The following LRP5 variants were observed in gnomAD, a reference collection of about 807,000 sequenced individuals.
LRP5 encodes the protein LDL receptor related protein 5.
Under a neutral mutation model 154.1 loss-of-function variants are expected in LRP5, and 62 were observed. That is an observed-to-expected ratio of 0.40 (90% CI 0.33 to 0.50). The LOEUF (loss-of-function observed/expected upper bound fraction) is 0.50. LRP5 is among the 20% of genes least tolerant of loss of function. LRP5 has a pLI of 0.55. For synonymous variants in LRP5, 966 were observed against 1,011.5 expected, an observed-to-expected ratio of 0.96 and a Z score of 0.85; for missense variants, 1,915 against 2,336.7, an observed-to-expected ratio of 0.82 and a Z score of 3.72.
rs554258981 is a variant in LRP5 at position 68,431,044 on chromosome 11, AATAAAGTGACCATCTGTATCC to A, written c.3763+1345_3763+1365del. Among the ~76,000 whole-genome samples, 80 of 152,146 alleles carry A rather than the reference AATAAAGTGACCATCTGTATCC, an allele frequency of 5.3e-4. 1 individual carries two copies. Among genetic ancestry groups the A allele is most frequent in the Non-Finnish European group, 9.1e-4 (62 of 68,020 alleles). On this transcript the variant is annotated intron_variant, in intron 17 of 22. Transcript: ENST00000294304. ...GCTATGCCATGGGTGTGGCAGTAGT[AATAAAGTGACCATCTGTATCC>A]TCACCACAGTGAAGCCTGTCCAGGG...
rs2098662582 is a variant in LRP5, at chr11:68,416,431, G to C, written c.2931G>C (p.Arg977Ser). Residue 977 changes from arginine to serine, a missense_variant, in exon 13 of 23, where the codon AGG becomes AGC. Arg to Ser is a moderately radical substitution (Grantham distance 110, BLOSUM62 -1). Transcript: ENST00000294304. ...PDLILPLHGL[R>S]NVKAIDYDPL... ...TCATCCTGCCCCTGCATGGACTGAG[G>C]AACGTCAAAGCCATCGACTATGACC... The C allele has an allele frequency of 6.2e-7, 1 of 1,614,190 alleles. No homozygotes were observed. Among genetic ancestry groups the C allele is most frequent in the Non-Finnish European group, 8.5e-7 (1 of 1,180,040 alleles).
Position 68,423,812 on chromosome 11 carries a change from G to T in LRP5, c.3236+115G>T. On this transcript the variant is annotated intron_variant, in intron 14 of 22. Coordinates refer to ENST00000294304, the MANE Select transcript of LRP5 (RefSeq NM_002335.4). The surrounding 1 kb of genome is among the most constrained non-coding windows in gnomAD (Gnocchi z 4.7). ...AGACTTTCCACCCTGGGGATCCAATGGGTGGCTTTCCAGGGTCCCAAAAGC... is the reference window on the plus strand; with the variant it reads ...AGACTTTCCACCCTGGGGATCCAATTGGTGGCTTTCCAGGGTCCCAAAAGC... 1 of 1,028,240 alleles carries T rather than the reference G, an allele frequency of 9.7e-7. No homozygotes were observed. Among genetic ancestry groups the T allele is most frequent in the South Asian group, 1.5e-5 (1 of 66,284 alleles). The allele number at this position is 1,028,240 out of a possible 1,614,324, so 63.7% of individuals were successfully genotyped here.
the LRP5 span, among the ~76,000 whole-genome samples, chr11:68,301,400 A>C: frequency 6.7e-6 from 1 of 148,398 alleles, no homozygotes; most frequent in African/African-American, 2.4e-5. Context: ...GCTTGAGCCC[A>C]GGAGGTTGAG....
intron 19 of LRP5, among the ~76,000 whole-genome samples, 157 bp from the exon 20 acceptor site, chr11:68,438,289 C>T (rs558037143): frequency 4.7e-4 from 72 of 152,308 alleles, no homozygotes; most frequent in Non-Finnish European, 8.4e-4. Flanking sequence ...TGAGGTTGGC[C>T]AGGCTCCCCA....
chr11:68,329,169 G>T (rs1410001507), intron 1 of LRP5, among the ~76,000 whole-genome samples: 1 of 152,234 alleles, frequency 6.6e-6, no homozygotes, highest in Non-Finnish European at 1.5e-5. Flanking sequence ...TGGGGTACGT[G>T]TTTAATGAAA....
At chr11:68,308,790 C>A (rs1162825224), upstream of LRP5, among the ~76,000 whole-genome samples, 1 of 151,888 alleles carries the variant, frequency 6.6e-6, no homozygotes, top group Non-Finnish European at 1.5e-5. Context: ...GCTCTGTCGC[C>A]CAGGCTGGAG....
In LRP5 at chr11:68,365,768, G is replaced by A. The variant is rs190498589; in HGVS notation, c.1015+66G>A. On this transcript the variant is annotated intron_variant, in intron 5 of 22. Coordinates refer to ENST00000294304, the MANE Select transcript of LRP5 (RefSeq NM_002335.4). Reference sequence around the variant, plus strand: ...GGCCTGGCGGGAATGGGTTGCGGCCGCCGGGGGTGCCCCAGAAGGAACCTC... The same window carrying A: ...GGCCTGGCGGGAATGGGTTGCGGCCACCGGGGGTGCCCCAGAAGGAACCTC... The A allele has an allele frequency of 8.4e-4, 1,205 of 1,433,638 alleles. 9 individuals are homozygous for A. In the African/African-American group the frequency reaches 0.014, roughly 17 times the overall value. The allele number at this position is 1,433,638 out of a possible 1,614,324, so 88.8% of individuals were successfully genotyped here. A position where few individuals can be genotyped will look rare whatever the true frequency, so the allele number is the denominator to read the frequency against.
chr11:68,378,162 CT>C (rs2098638400), intron 5 of LRP5, among the ~76,000 whole-genome samples: 1 of 158 alleles, frequency 6.3e-3, no homozygotes, highest in Non-Finnish European at 0.012. Flanking sequence ...CAAAAATTAT[CT>C]TGTTTGTTTG....
chr11:68,320,460 T>C (rs904541339), intron 1 of LRP5, among the ~76,000 whole-genome samples: 6 of 149,582 alleles, frequency 4.0e-5, no homozygotes, highest in South Asian at 2.1e-4. Flanking sequence ...TCTTCTTCTT[T>C]TTTTTTTTTT....
intron 1 of LRP5, among the ~76,000 whole-genome samples, chr11:68,316,109 C>T (rs971174880): frequency 6.6e-5 from 10 of 152,122 alleles, no homozygotes; most frequent in Non-Finnish European, 1.3e-4. Context: ...TCCCTCTCCC[C>T]GGATCCCCTG....
intron 1 of LRP5, among the ~76,000 whole-genome samples, chr11:68,330,182 T>TG (rs1035003282): frequency 2.6e-5 from 4 of 152,172 alleles, no homozygotes; most frequent in African/African-American, 9.7e-5. Flanking sequence ...TGGGGAGCCC[T>TG]GGTGGCCTGT....
At chr11:68,441,253 T>A (rs917611302) in intron 21 of LRP5, among the ~76,000 whole-genome samples, 1 of 151,974 alleles carries the variant, frequency 6.6e-6, no homozygotes, top group African/African-American at 2.4e-5. Context: ...AATATTTACA[T>A]TTTTTGTAGA....
chr11:68,339,836 G>C (rs547943264), intron 1 of LRP5, among the ~76,000 whole-genome samples: 3 of 152,296 alleles, frequency 2.0e-5, no homozygotes, highest in Admixed American at 6.5e-5. Context: ...GAGGGGTTCA[G>C]TTCTTTTGGG....
intron 7 of LRP5, 84 bp downstream of exon 7, chr11:68,390,136 G>C: frequency 9.4e-6 from 14 of 1,481,978 alleles, no homozygotes; most frequent in Non-Finnish European, 1.2e-5. Flanking sequence ...GCGAGGCACC[G>C]ATGGGTGCCT....
chr11:68,328,749 A>G (rs746759946), intron 1 of LRP5, among the ~76,000 whole-genome samples: 1 of 152,200 alleles, frequency 6.6e-6, no homozygotes, highest in Non-Finnish European at 1.5e-5. Context: ...CGTGGCATTT[A>G]TGGACCCTGG....
chr11:68,411,766 C>T, intron 11 of LRP5, 146 bp downstream of exon 11: 3 of 838,468 alleles, frequency 3.6e-6, no homozygotes, highest in Non-Finnish European at 5.5e-6. Flanking sequence ...GCCCAGCAGC[C>T]TCACCCTCTG....
intron 5 of LRP5, among the ~76,000 whole-genome samples, chr11:68,365,933 G>T (rs2098630821): frequency 6.6e-6 from 1 of 152,168 alleles, no homozygotes; most frequent in Admixed American, 6.5e-5. Flanking sequence ...TTTTGCCCCA[G>T]ATATTTTCCA....
At chr11:68,410,323 G>A (rs765813595) in intron 10 of LRP5, among the ~76,000 whole-genome samples, 183 bp downstream of exon 10, 2 of 152,204 alleles carry the variant, frequency 1.3e-5, no homozygotes, top group Non-Finnish European at 2.9e-5. Context: ...GTTCCTTCGT[G>A]GAGCGGGTGC....
chr11:68,427,105 C>G (rs189740595), intron 16 of LRP5, among the ~76,000 whole-genome samples: 126 of 152,338 alleles, frequency 8.3e-4, no homozygotes, highest in Non-Finnish European at 1.5e-3. Flanking sequence ...GTTAGCCTCC[C>G]CTTTGATAGA....
Sources: allele counts gnomAD v4.1 joint callset (sites outside exome capture counted in the v4.1 genomes callset), GRCh38; gene constraint gnomAD v4.1.1; non-coding constraint Gnocchi (gnomAD v3.1); transcripts MANE v1.5; gene names NCBI Gene and HGNC (gene_info 2026-07-23, HGNC 2026-07-21).